TAMM41: variants seen among roughly 807,000 people sequenced by gnomAD.
The protein encoded by TAMM41 is TAM41 mitochondrial translocator assembly and maintenance homolog.
A neutral mutation model predicts 44.1 loss-of-function variants in TAMM41; 36 were observed. That is an observed-to-expected ratio of 0.82 (90% confidence interval 0.63 to 1.08). The LOEUF (loss-of-function observed/expected upper bound fraction) is 1.08. TAMM41 is among the 50% of genes least tolerant of loss of function. TAMM41 has a pLI of 0.00. For synonymous variants in TAMM41, 164 were observed against 153.1 expected (o/e 1.07, Z -0.53); for missense variants, 417 against 404.3 (o/e 1.03, Z -0.27).
At chr3:11,723,942 G>A in the TAMM41 span, among the ~76,000 whole-genome samples, 1 of 151,770 alleles carries the variant, frequency 6.6e-6, no homozygotes, top group African/African-American at 2.4e-5. Flanking sequence ...AGAGTTGATC[G>A]TTGTTGAAGC....
chr3:11,845,106 A>G, intron 1 of TAMM41: 1 of 415,024 alleles, frequency 2.4e-6, no homozygotes, highest in Non-Finnish European at 4.8e-6. Flanking sequence ...ACTGAAATAG[A>G]ACACATTTAT....
chr3:11,846,660 C>A lies in TAMM41; in HGVS notation c.-24G>T, dbSNP rs1189368715. The A allele has an allele frequency of 3.7e-6, 6 of 1,614,018 alleles. No individual in the cohort carries two copies. In the Admixed American group the frequency reaches 5.0e-5, roughly 13 times the overall value. On this transcript the variant is annotated 5_prime_UTR_variant, in exon 1 of 8. Coordinates refer to ENST00000455809, the MANE Select transcript of TAMM41 (RefSeq NM_001284401.2). ...ATGGGGTCGAGGCTAACAGGGGACA[C>A]TCAGCGCAGCAGGGCGAGGACAACC...
the TAMM41 span, among the ~76,000 whole-genome samples, chr3:11,780,092 C>T: frequency 6.6e-6 from 1 of 152,186 alleles, no homozygotes; most frequent in Admixed American, 6.5e-5. Context: ...CTCCATAGTG[C>T]AGCCACACTG....
chr3:11,844,165 C>T lies in TAMM41; in HGVS notation c.182G>A (p.Trp61Ter), dbSNP rs143396958. Reference protein sequence around the residue: ...FVFTVDDPVAWHSKNLKKNWS... With the variant: ...FVFTVDDPVA ...ATTTTTCTTCAGGTTCTTTGAATGC[C>T]ATGCGACAGGGTCATCTACTGTGAA... The change falls in exon 2 of 8, where the codon TGG (tryptophan) becomes TAG (stop). Residue 61 changes from tryptophan (W) to a stop codon, truncating the protein, a stop_gained. Transcript: ENST00000455809. LOFTEE classifies it high-confidence loss of function. The T allele has an allele frequency of 6.2e-7, 1 of 1,614,196 alleles. No individual in the cohort carries two copies. The highest frequency in any genetic ancestry group is 8.5e-7 in the Non-Finnish European group (1 of 1,180,042).
chr3:11,781,357 C>T, the TAMM41 span, among the ~76,000 whole-genome samples: 2 of 152,136 alleles, frequency 1.3e-5, no homozygotes, highest in South Asian at 4.1e-4. Context: ...AGAAATGCTA[C>T]TGAAGCTCTT....
the TAMM41 span, among the ~76,000 whole-genome samples, chr3:11,751,240 T>C: frequency 6.6e-6 from 1 of 152,088 alleles, no homozygotes; most frequent in African/African-American, 2.4e-5. Context: ...TACAGGCATG[T>C]GCCACCACAC....
At chr3:11,753,817 G>C in the TAMM41 span, among the ~76,000 whole-genome samples, 135 of 152,164 alleles carry the variant, frequency 8.9e-4, no homozygotes, top group African/African-American at 3.2e-3. Flanking sequence ...GAGTGTGCTT[G>C]GTGCACCCCA....
chr3:11,792,753 C>A (rs1025158135), intron 7 of TAMM41, among the ~76,000 whole-genome samples: 2 of 152,152 alleles, frequency 1.3e-5, no homozygotes, highest in African/African-American at 4.8e-5. Flanking sequence ...TTATGAACTT[C>A]TTTTCACCAA....
At chr3:11,760,001 A>G in the TAMM41 span, among the ~76,000 whole-genome samples, 1 of 152,126 alleles carries the variant, frequency 6.6e-6, no homozygotes, top group Non-Finnish European at 1.5e-5. Flanking sequence ...GAAGAAGAAG[A>G]AGAAGAAAAC....
intron 4 of TAMM41, among the ~76,000 whole-genome samples, chr3:11,818,454 G>A (rs1575658252): frequency 6.6e-6 from 1 of 152,102 alleles, no homozygotes; most frequent in African/African-American, 2.4e-5. Flanking sequence ...GCAAACTGTT[G>A]GCTTGTTTTA....
Position 11,822,799 on chromosome 3 carries a change from T to A in TAMM41, c.563-5462A>T, listed in dbSNP as rs57144252. Among the ~76,000 whole-genome samples the A allele has an allele frequency of 3.7e-3, 567 of 152,342 alleles. 5 individuals are homozygous for A. The highest frequency in any genetic ancestry group is 0.012 in the African/African-American group (516 of 41,574). On this transcript the variant is annotated intron_variant, in intron 4 of 7. Transcript: ENST00000455809. ...ATCCATTTCTCAGTTGATGAACATTTGTGCTGTTTCCACTTTTGGGCGATT... is the reference window on the plus strand; with the variant it reads ...ATCCATTTCTCAGTTGATGAACATTAGTGCTGTTTCCACTTTTGGGCGATT...
chr3:11,826,907 A>G (rs2078773551), intron 4 of TAMM41: 1 of 152,196 alleles, frequency 6.6e-6, no homozygotes, highest in Non-Finnish European at 1.5e-5. Flanking sequence ...TTGGCACCCA[A>G]TAATAAAGGC....
chr3:11,836,969 A>G (rs2079204523), intron 3 of TAMM41, among the ~76,000 whole-genome samples: 2 of 152,248 alleles, frequency 1.3e-5, no homozygotes, highest in Non-Finnish European at 2.9e-5. Context: ...ATTAAAGTAA[A>G]AGTTACAGTG....
At chr3:11,816,749 G>GGAA (rs2078292688) in intron 5 of TAMM41, among the ~76,000 whole-genome samples, 5 of 151,778 alleles carry the variant, frequency 3.3e-5, no homozygotes. Context: ...CTCTAGCCTG[G>GGAA]GAACAGAGTC....
At chr3:11,817,386 C>G (rs1478053147) in intron 4 of TAMM41, 49 bp from the exon 5 acceptor site, 1 of 1,572,598 alleles carries the variant, frequency 6.4e-7, no homozygotes, top group Non-Finnish European at 8.7e-7. Flanking sequence ...AATCCACACT[C>G]TCGACCTATG....
chr3:11,732,520 T>C, the TAMM41 span, among the ~76,000 whole-genome samples: 25 of 152,330 alleles, frequency 1.6e-4, no homozygotes, highest in African/African-American at 5.1e-4. Context: ...ATTTAAGTCA[T>C]GTAAGTTAAC....
chr3:11,729,129 C>T, the TAMM41 span, among the ~76,000 whole-genome samples: 2 of 151,998 alleles, frequency 1.3e-5, no homozygotes, highest in Non-Finnish European at 2.9e-5. Context: ...AATTTATGGC[C>T]AGAAGGATTG....
chr3:11,776,934 T>C, the TAMM41 span, among the ~76,000 whole-genome samples: 1 of 152,164 alleles, frequency 6.6e-6, no homozygotes. Context: ...CTCACTTCTG[T>C]GTGGAATCTG....
chr3:11,777,119 A>G, the TAMM41 span, among the ~76,000 whole-genome samples: 1 of 152,236 alleles, frequency 6.6e-6, no homozygotes, highest in Non-Finnish European at 1.5e-5. Context: ...AGTAGCTCCT[A>G]AGTGTTCTCA....
Sources: gnomAD v4.1 joint callset for allele counts (sites outside exome capture counted in the v4.1 genomes callset) on GRCh38, gnomAD v4.1.1 for gene constraint, MANE v1.5 for transcripts, NCBI Gene and HGNC (gene_info 2026-07-23, HGNC 2026-07-21) for gene names.